Variants in FRMD6 observed in about 807,000 individuals in gnomAD.
The protein encoded by FRMD6 is FERM domain containing 6, also known as FERM domain-containing protein 6.
FRMD6 carries 37 observed loss-of-function variants against 73.2 expected under a neutral mutation model. The observed-to-expected ratio is 0.51, with a 90% CI of 0.39 to 0.66. The LOEUF (loss-of-function observed/expected upper bound fraction) is 0.66, where lower values mean the gene tolerates loss of function less well. FRMD6 is among the 30% of genes least tolerant of loss of function. The probability of loss-of-function intolerance (pLI) is 0.00; values close to 1 mark genes in which losing one functional copy is unlikely to be tolerated. For synonymous variants in FRMD6, 273 were observed against 282.2 expected (o/e 0.97, Z 0.33); for missense variants, 714 against 780.5 (o/e 0.91, Z 1.02).
rs1222576554 is a variant in FRMD6 at position 51,680,167 on chromosome 14, G to C, written c.-146-9524G>C. Among the ~76,000 whole-genome samples, 3 of 152,172 alleles carry C rather than the reference G, an allele frequency of 2.0e-5. No individual in the cohort carries two copies. In the East Asian group the frequency reaches 5.8e-4, roughly 29 times the overall value. Reference sequence around the variant, plus strand: ...GAAAAGCCTTATATTTCAGGAGAAGGCTCTGTAACCAGGCTTCTCATCTGT... The same window carrying C: ...GAAAAGCCTTATATTTCAGGAGAAGCCTCTGTAACCAGGCTTCTCATCTGT... On this transcript the variant is annotated intron_variant, in intron 1 of 13. Coordinates refer to ENST00000344768, the MANE Select transcript of FRMD6 (RefSeq NM_001267046.2).
At chr14:51,702,625 TC>T (rs759143423) in intron 5 of FRMD6, 37 bp downstream of exon 5, 9 of 1,506,328 alleles carry the variant, frequency 6.0e-6, no homozygotes, top group Non-Finnish European at 8.3e-6. Context: ...CGCTTTTTTT[TC>T]CCCCATAGCA....
At chr14:51,726,953 C>G (rs1173359226) in intron 13 of FRMD6, among the ~76,000 whole-genome samples, 1 of 152,148 alleles carries the variant, frequency 6.6e-6, no homozygotes, top group African/African-American at 2.4e-5. Context: ...CTTAAATAAC[C>G]CATTGCATAT....
chr14:51,590,627 A>G (rs1889336784), intron 2 of FRMD6, among the ~76,000 whole-genome samples: 1 of 152,096 alleles, frequency 6.6e-6, no homozygotes, highest in African/African-American at 2.4e-5. Flanking sequence ...AGTAATTACA[A>G]CTCTCTAAAA....
At chr14:51,469,246 G>GT in the FRMD6 span, among the ~76,000 whole-genome samples, 10 of 150,750 alleles carry the variant, frequency 6.6e-5, no homozygotes, top group African/African-American at 2.4e-4. Flanking sequence ...GCCTACATTT[G>GT]TTTTTTGTTT....
intron 2 of FRMD6, among the ~76,000 whole-genome samples, chr14:51,638,425 T>C (rs575569235): frequency 6.6e-6 from 1 of 152,300 alleles, no homozygotes; most frequent in African/African-American, 2.4e-5. Flanking sequence ...ATGTGGGTGG[T>C]TCCGCATTGT....
the FRMD6 span, among the ~76,000 whole-genome samples, chr14:51,404,021 C>G: frequency 6.6e-6 from 1 of 152,172 alleles, no homozygotes; most frequent in African/African-American, 2.4e-5. Flanking sequence ...ATTGGAACTT[C>G]TACCAGTGGT....
At chr14:51,562,102 C>T (rs1013182157) in intron 1 of FRMD6, among the ~76,000 whole-genome samples, 11 of 152,180 alleles carry the variant, frequency 7.2e-5, no homozygotes, top group South Asian at 2.1e-4. Flanking sequence ...AACTCCAAGA[C>T]GAGTTGAGCG....
chr14:51,587,389 C>A (rs1889111159), intron 2 of FRMD6, among the ~76,000 whole-genome samples: 1 of 152,134 alleles, frequency 6.6e-6, no homozygotes. Flanking sequence ...TGAGGGCAGA[C>A]CTTAAACACT....
chr14:51,641,161 A>C (rs953487622), intron 2 of FRMD6, among the ~76,000 whole-genome samples: 2 of 151,962 alleles, frequency 1.3e-5, no homozygotes, highest in African/African-American at 2.4e-5. Context: ...TTATTTATTT[A>C]GTAGAGAGGG....
In FRMD6 at chr14:51,505,069, A is replaced by G. The variant is rs1883875341; in HGVS notation, c.-210+15649A>G. ...GAATTGTTCCTTGGGTGGCTTACAC[A>G]TCTCCAATGGGGAAGCAGAATCTTC... On this transcript the variant is annotated intron_variant, in intron 1 of 14. Coordinates refer to the FRMD6 transcript ENST00000356218. Among the ~76,000 whole-genome samples, 3 of 152,140 alleles carry G rather than the reference A, an allele frequency of 2.0e-5. No individual in the cohort carries two copies. In the South Asian group the frequency reaches 6.2e-4, roughly 32 times the overall value.
At chr14:51,583,520 T>C (rs1362871931) in intron 2 of FRMD6, among the ~76,000 whole-genome samples, 2 of 152,250 alleles carry the variant, frequency 1.3e-5, no homozygotes, top group Non-Finnish European at 2.9e-5. Flanking sequence ...GCACTTACTA[T>C]GTACCTGGAG....
chr14:51,401,638 A>G, the FRMD6 span, among the ~76,000 whole-genome samples: 1 of 152,204 alleles, frequency 6.6e-6, no homozygotes. Context: ...GACTTTTTCC[A>G]TTGTTTGGAA....
At chr14:51,519,163 A>G (rs1488912069) in intron 1 of FRMD6, among the ~76,000 whole-genome samples, 1 of 55,254 alleles carries the variant, frequency 1.8e-5, no homozygotes, top group African/African-American at 6.9e-5. Flanking sequence ...TTTTCTTCCC[A>G]CCCCCCGCCC....
Position 51,701,037 on chromosome 14 carries a change from CCTTTTT to C in FRMD6, c.191-18_191-13del, listed in dbSNP as rs1896277539. The C allele has an allele frequency of 8.1e-7, 1 of 1,227,256 alleles. No individual in the cohort carries two copies. The allele number at this position is 1,227,256 out of a possible 1,614,324, so 76.0% of individuals were successfully genotyped here. The stretch of plus-strand genomic sequence containing the variant: ...AAATCCTTTCTTTAGCATGTCGTCT[CCTTTTT>C]TTTAATGTACAGATAATGAACATGT... On this transcript the variant is annotated splice_polypyrimidine_tract_variant and intron_variant, in intron 3 of 13. Transcript: ENST00000344768.
chr14:51,405,757 C>A, the FRMD6 span, among the ~76,000 whole-genome samples: 1 of 152,208 alleles, frequency 6.6e-6, no homozygotes, highest in African/African-American at 2.4e-5. Flanking sequence ...GCATGGTTTG[C>A]AAATATTTTC....
upstream of FRMD6, chr14:51,650,514 G>A (rs543327663): frequency 6.8e-6 from 1 of 147,794 alleles, no homozygotes; most frequent in South Asian, 2.2e-4. Flanking sequence ...TCCTGCCTCA[G>A]CCTCCCAAGT....
the FRMD6 span, among the ~76,000 whole-genome samples, chr14:51,430,837 G>T: frequency 1.3e-5 from 2 of 152,162 alleles, no homozygotes; most frequent in African/African-American, 4.8e-5. Flanking sequence ...CGAGCCACAG[G>T]GCTTGCAAGA....
intron 2 of FRMD6, among the ~76,000 whole-genome samples, chr14:51,588,830 G>A (rs1186255156): frequency 6.6e-6 from 1 of 152,202 alleles, no homozygotes; most frequent in Non-Finnish European, 1.5e-5. Context: ...CCCACACAGG[G>A]GACAAAGGAA....
chr14:51,598,614 C>T (rs1280114649), intron 2 of FRMD6, among the ~76,000 whole-genome samples: 1 of 152,160 alleles, frequency 6.6e-6, no homozygotes, highest in African/African-American at 2.4e-5. Context: ...ATCTTTATGT[C>T]CATGAGTACC....
Sources: allele counts gnomAD v4.1 joint callset (sites outside exome capture counted in the v4.1 genomes callset), GRCh38; gene constraint gnomAD v4.1.1; transcripts MANE v1.5; gene names NCBI Gene and HGNC (gene_info 2026-07-23, HGNC 2026-07-21).